Variants in PARPBP observed in about 807,000 individuals in gnomAD.
PARPBP encodes PCNA-interacting partner.
Under a neutral mutation model 50.0 loss-of-function variants are expected in PARPBP, and 52 were observed. The ratio of observed to expected loss-of-function variants is 1.04; its 90% confidence interval spans 0.83 to 1.31. PARPBP has a LOEUF of 1.31. Among genes scored for constraint, PARPBP ranks in the 50% most tolerant of loss-of-function variants. The pLI is 0.00. For missense variants in PARPBP, 697 were observed against 672.0 expected, an observed-to-expected ratio of 1.04 and a Z score of -0.41; for synonymous variants, 244 against 232.1, an observed-to-expected ratio of 1.05 and a Z score of -0.47.
intron 2 of PARPBP, among the ~76,000 whole-genome samples, chr12:102,131,659 G>C (rs534826146): frequency 1.3e-5 from 2 of 152,114 alleles, no homozygotes; most frequent in Admixed American, 1.3e-4. Context: ...CTCTACAGCC[G>C]TAAAAAAGAA....
Position 102,120,265 on chromosome 12 carries a change from C to A in PARPBP, c.-25C>A, listed in dbSNP as rs922039107. 4 of 299,882 alleles carry A rather than the reference C, an allele frequency of 1.3e-5. No homozygotes were observed. The highest frequency in any genetic ancestry group is 2.8e-5 in the Non-Finnish European group (4 of 145,418). 18.6% of individuals were successfully genotyped at this position (299,882 alleles called of 1,614,324 possible). On this transcript the variant is annotated 5_prime_UTR_variant, in exon 1 of 11. Coordinates refer to ENST00000327680, the MANE Select transcript of PARPBP (RefSeq NM_017915.5). Reference sequence around the variant, plus strand: ...TCCTTCCGCACACTGAAGAGTACGTCTTCGGGTCTACCCCTAATCACGTAA... The same window carrying A: ...TCCTTCCGCACACTGAAGAGTACGTATTCGGGTCTACCCCTAATCACGTAA...
intron 6 of PARPBP, among the ~76,000 whole-genome samples, chr12:102,171,146 TG>T (rs2136439449): frequency 6.6e-6 from 1 of 151,534 alleles, no homozygotes; most frequent in East Asian, 1.9e-4. Flanking sequence ...TTTCAGTTAG[TG>T]CTTTTTTTTT....
intron 1 of PARPBP, among the ~76,000 whole-genome samples, chr12:102,121,545 C>CTTTT (rs35855638): frequency 1.3e-4 from 11 of 87,140 alleles, no homozygotes; most frequent in Admixed American, 7.9e-4. Flanking sequence ...TAGTAATGCT[C>CTTTT]TTTTTTTTTT....
intron 1 of PARPBP, among the ~76,000 whole-genome samples, chr12:102,123,544 A>G (rs894415951): frequency 1.5e-4 from 23 of 151,858 alleles, no homozygotes; most frequent in African/African-American, 2.4e-4. Flanking sequence ...ACCTATCTCA[A>G]AACAAATATA....
chr12:102,161,609 T>C (rs1047155476), intron 4 of PARPBP, among the ~76,000 whole-genome samples: 1 of 151,948 alleles, frequency 6.6e-6, no homozygotes, highest in Non-Finnish European at 1.5e-5. Context: ...CACAAAGTAA[T>C]AGGAGGATTA....
intron 6 of PARPBP, 28 bp downstream of exon 6, chr12:102,165,911 T>A (rs375187475): frequency 1.5e-4 from 210 of 1,381,794 alleles, no homozygotes; most frequent in Non-Finnish European, 1.9e-4. Flanking sequence ...ATTACAAATA[T>A]GTTTTTAATC....
chr12:102,186,423 A>G (rs910423997), intron 9 of PARPBP, among the ~76,000 whole-genome samples: 1 of 151,774 alleles, frequency 6.6e-6, no homozygotes, highest in African/African-American at 2.4e-5. Context: ...TGCTTATTTG[A>G]AGTTTTTCTT....
At chr12:102,120,712 C>A (rs147575527) in intron 1 of PARPBP, among the ~76,000 whole-genome samples, 1 of 152,182 alleles carries the variant, frequency 6.6e-6, no homozygotes, top group Non-Finnish European at 1.5e-5. Context: ...TTAAATTGAG[C>A]ACCTACTAAA....
intron 1 of PARPBP, 55 bp downstream of exon 1, chr12:102,120,341 G>A: frequency 2.6e-6 from 1 of 383,408 alleles, no homozygotes; most frequent in South Asian, 1.8e-5. Context: ...GGTGATTCAG[G>A]CTGTGGCTTT....
chr12:102,161,531 T>C (rs1334721534), intron 4 of PARPBP, among the ~76,000 whole-genome samples: 2 of 152,194 alleles, frequency 1.3e-5, no homozygotes, highest in African/African-American at 4.8e-5. Flanking sequence ...AAAAACAGAT[T>C]GATTACCTAC....
At chr12:102,190,471 CT>C (rs1400991416) in intron 9 of PARPBP, among the ~76,000 whole-genome samples, 1 of 152,126 alleles carries the variant, frequency 6.6e-6, no homozygotes, top group East Asian at 1.9e-4. Flanking sequence ...CCTGAAACCC[CT>C]TCAACCTTGA....
chr12:102,186,031 C>G (rs1273743636), intron 9 of PARPBP, among the ~76,000 whole-genome samples: 1 of 152,102 alleles, frequency 6.6e-6, no homozygotes, highest in African/African-American at 2.4e-5. Context: ...CTTCATGGTT[C>G]AATCTTGGTA....
chr12:102,124,512 G>A (rs1881658505), intron 2 of PARPBP, among the ~76,000 whole-genome samples: 1 of 152,156 alleles, frequency 6.6e-6, no homozygotes, highest in East Asian at 1.9e-4. Flanking sequence ...TTGGATTTAA[G>A]CCGTAGATTA....
At chr12:102,154,102 A>T (rs1048311848) in intron 4 of PARPBP, 126 bp downstream of exon 4, 2 of 583,878 alleles carry the variant, frequency 3.4e-6, no homozygotes, top group Admixed American at 5.7e-5. Flanking sequence ...TATGTTTAAA[A>T]CTGTATTCGC....
chr12:102,142,052 G>T (rs956968807), intron 2 of PARPBP, among the ~76,000 whole-genome samples: 1 of 152,162 alleles, frequency 6.6e-6, no homozygotes, highest in Non-Finnish European at 1.5e-5. Context: ...GGTTGGGGAA[G>T]TTCTCCTGGA....
At chr12:102,193,858 C>A (rs1415369294) in intron 9 of PARPBP, among the ~76,000 whole-genome samples, 1 of 151,886 alleles carries the variant, frequency 6.6e-6, no homozygotes, top group Non-Finnish European at 1.5e-5. Flanking sequence ...GTTGTGAGTC[C>A]ATTCTGTTCA....
Position 102,124,008 on chromosome 12 carries a change from A to T in PARPBP, c.120A>T (p.Ala40=). The change falls in exon 2 of 11, where the codon GCA becomes GCT. Residue 40 remains alanine (A), a synonymous_variant. Coordinates refer to ENST00000327680, the MANE Select transcript of PARPBP (RefSeq NM_017915.5). ...GTGGTGCAGACTCCATGCTCTTGGCATTGCAGCTTTCTATGGCGGAGAACA... is the reference window on the plus strand; with the variant it reads ...GTGGTGCAGACTCCATGCTCTTGGCTTTGCAGCTTTCTATGGCGGAGAACA... The part of the protein sequence containing the change: ...TLCGADSMLL[A]LQLSMAENNK... 5.2e-6 allele frequency: 8 copies of T among 1,535,562 alleles called. No homozygotes were observed. The highest frequency in any genetic ancestry group is 7.0e-6 in the Non-Finnish European group (8 of 1,146,464).
rs1461889961 is a variant in PARPBP at position 102,175,637 on chromosome 12, C to T, written c.976C>T (p.Leu326Phe). 3 of 1,613,064 alleles carry T rather than the reference C, an allele frequency of 1.9e-6. No homozygotes were observed. The highest frequency in any genetic ancestry group is 2.5e-6 in the Non-Finnish European group (3 of 1,179,272). Residue 326 changes from leucine (L) to phenylalanine (F), a missense_variant, in exon 7 of 11, where the codon CTT becomes TTT. Transcript: ENST00000327680. ...CAATTCTCAAGAAGGTGTTGTAGCT[C>T]TTAGCACCACTGACATCAGTCCTGC... ...IINSQEGVVA[L>F]STTDISPARP...
chr12:102,175,450 C>G, intron 6 of PARPBP, 33 bp from the exon 7 acceptor site: 2 of 1,470,360 alleles, frequency 1.4e-6, no homozygotes, highest in Non-Finnish European at 1.9e-6. Context: ...ATTTGCAATA[C>G]TGCTATAGAG....
Sources: allele counts gnomAD v4.1 joint callset (sites outside exome capture counted in the v4.1 genomes callset), GRCh38; gene constraint gnomAD v4.1.1; transcripts MANE v1.5; gene names NCBI Gene and HGNC (gene_info 2026-07-23, HGNC 2026-07-21).